The following EPN2 variants were observed in gnomAD, a reference collection of about 807,000 sequenced individuals.
EPN2 encodes the protein epsin-2.
In EPN2, 34 loss-of-function variants were observed where a neutral mutation model predicts 61.7. That is an observed-to-expected ratio of 0.55 (90% CI 0.42 to 0.73). The LOEUF (loss-of-function observed/expected upper bound fraction) is 0.73. Ranked by LOEUF, EPN2 falls within the 30% of genes least tolerant of loss-of-function variation. The probability of loss-of-function intolerance (pLI) is 0.00; values close to 1 mark genes in which losing one functional copy is unlikely to be tolerated. For missense variants in EPN2, 714 were observed against 839.2 expected (o/e 0.85, Z 1.84); for synonymous variants, 349 against 353.6 (o/e 0.99, Z 0.15).
At chr17:19,306,928 A>G (rs1905871927) in intron 4 of EPN2, among the ~76,000 whole-genome samples, 1 of 152,192 alleles carries the variant, frequency 6.6e-6, no homozygotes, top group African/African-American at 2.4e-5. Context: ...CCTTATCAGG[A>G]AAGAGGCTGG....
At chr17:19,274,630 C>A (rs554898907) in intron 1 of EPN2, among the ~76,000 whole-genome samples, 13 of 152,240 alleles carry the variant, frequency 8.5e-5, no homozygotes, top group African/African-American at 3.1e-4. Flanking sequence ...GAAAGGTGAA[C>A]ATCCTCCTCT....
At chr17:19,275,602 A>G (rs2045298005) in intron 1 of EPN2, among the ~76,000 whole-genome samples, 1 of 151,982 alleles carries the variant, frequency 6.6e-6, no homozygotes, top group African/African-American at 2.4e-5. Context: ...TTAACATATC[A>G]CTGATGTAGC....
chr17:19,285,775 G>C lies in EPN2; in HGVS notation c.751G>C (p.Asp251His). Residue 251 changes from aspartate (D) to histidine (H), a missense_variant, in exon 4 of 11, where the codon GAC becomes CAC. Around this residue, in one of 2 missense-constraint regions of EPN2, gnomAD observed 304 missense variants for 417.4 expected, o/e 0.73. Transcript: ENST00000314728. The surrounding 1 kb of genome is among the most constrained non-coding windows in gnomAD (Gnocchi z 4.5). ...CTGGTCCCAGCCCTGCCTCACTTGT[G>C]ACCGCGCAGCCCGAGGTGGGACGGC... The part of the protein sequence containing the change: ...GDWSQPCLTC[D>H]RAARATSPRV... 6.2e-7 allele frequency: 1 copy of C among 1,601,278 alleles called. No individual in the cohort carries two copies. Among genetic ancestry groups the C allele is most frequent in the Non-Finnish European group, 8.5e-7 (1 of 1,173,926 alleles).
chr17:19,333,778 A>G (rs1907269699), intron 10 of EPN2, among the ~76,000 whole-genome samples, 178 bp from the exon 11 acceptor site: 1 of 152,202 alleles, frequency 6.6e-6, no homozygotes, highest in Non-Finnish European at 1.5e-5. Context: ...TCATCCTTAA[A>G]GTGCAGATTC....
At chr17:19,240,589 C>G (rs1447194708) in intron 1 of EPN2, among the ~76,000 whole-genome samples, 2 of 152,160 alleles carry the variant, frequency 1.3e-5, no homozygotes, top group African/African-American at 4.8e-5. Context: ...TGAGGAATTA[C>G]GTAGTTTGTA....
At position 19,278,488 on chromosome 17, in the gene EPN2, A is replaced by T. The variant is rs139916385; in HGVS notation, c.-293-3467A>T. On this transcript the variant is annotated intron_variant, in intron 1 of 10. Coordinates refer to ENST00000314728, the MANE Select transcript of EPN2 (RefSeq NM_014964.5). ...ACCCCTGATAAACCCATCAGATCTCATGAGACTTACTCACTATCACAGGAA... is the reference window on the plus strand; with the variant it reads ...ACCCCTGATAAACCCATCAGATCTCTTGAGACTTACTCACTATCACAGGAA... Among the ~76,000 whole-genome samples, 440 of 152,254 alleles carry T rather than the reference A, an allele frequency of 2.9e-3. 21 individuals are homozygous for T. The East Asian group carries it at 0.076, about 26-fold the overall frequency.
At chr17:19,315,829 A>G (rs1906356583) in intron 7 of EPN2, among the ~76,000 whole-genome samples, 1 of 152,206 alleles carries the variant, frequency 6.6e-6, no homozygotes, top group African/African-American at 2.4e-5. Context: ...TTTTCAGCAC[A>G]TTCACAATGT....
chr17:19,258,351 G>A (rs2045104612), intron 1 of EPN2, among the ~76,000 whole-genome samples: 1 of 152,178 alleles, frequency 6.6e-6, no homozygotes, highest in Non-Finnish European at 1.5e-5. Flanking sequence ...GTGGGACTAA[G>A]TGGTCGCCAG....
At chr17:19,250,393 G>A (rs2045002479) in intron 1 of EPN2, among the ~76,000 whole-genome samples, 1 of 152,146 alleles carries the variant, frequency 6.6e-6, no homozygotes, top group South Asian at 2.1e-4. Flanking sequence ...ACCATGCCCT[G>A]CCTAGAAACT....
intron 1 of EPN2, among the ~76,000 whole-genome samples, chr17:19,253,430 T>C (rs2152203764): frequency 6.6e-6 from 1 of 150,396 alleles, no homozygotes; most frequent in African/African-American, 2.4e-5. Flanking sequence ...TTTTTTTTTT[T>C]TTGATACAGG....
At chr17:19,250,870 T>C (rs1029097581) in intron 1 of EPN2, among the ~76,000 whole-genome samples, 25 of 145,078 alleles carry the variant, frequency 1.7e-4, no homozygotes, top group African/African-American at 5.5e-4. Context: ...TTACTGCCTC[T>C]ATACCCTTTC....
At chr17:19,238,308 G>A (rs1308510282) in intron 1 of EPN2, among the ~76,000 whole-genome samples, 1 of 152,250 alleles carries the variant, frequency 6.6e-6, no homozygotes, top group African/African-American at 2.4e-5. Context: ...CTGTGGGGCG[G>A]CTCCCCTAGA....
At chr17:19,316,252 A>T (rs1267966657) in intron 7 of EPN2, among the ~76,000 whole-genome samples, 4 of 152,238 alleles carry the variant, frequency 2.6e-5, no homozygotes, top group African/African-American at 9.6e-5. Context: ...TGTGAATTTT[A>T]AAAATTAAGA....
At chr17:19,291,653 G>T (rs1597999524) in intron 4 of EPN2, among the ~76,000 whole-genome samples, 1 of 152,172 alleles carries the variant, frequency 6.6e-6, no homozygotes, top group East Asian at 1.9e-4. Context: ...TGTTAGCCAT[G>T]ATGGTCTTGA....
chr17:19,335,748 G>A lies in EPN2; in HGVS notation c.*1494G>A. 2 of 317,060 alleles carry A rather than the reference G, an allele frequency of 6.3e-6. No individual in the cohort carries two copies. The highest frequency in any genetic ancestry group is 5.7e-6 in the Non-Finnish European group (1 of 174,338). 19.6% of individuals were successfully genotyped at this position (317,060 alleles called of 1,614,324 possible). ...ATGAAGAAAAAAGTCATTCACCTGG[G>A]AGGGATTTTTAACAAACATGCACTA... On this transcript the variant is annotated 3_prime_UTR_variant, in exon 11 of 11. Transcript: ENST00000314728.
intron 1 of EPN2, among the ~76,000 whole-genome samples, chr17:19,259,754 A>G (rs549304862): frequency 4.6e-5 from 7 of 152,202 alleles, no homozygotes; most frequent in Non-Finnish European, 7.3e-5. Context: ...TGCCTAGAGC[A>G]AGGTGGATGG....
chr17:19,299,856 G>A (rs1476634916), intron 4 of EPN2, among the ~76,000 whole-genome samples: 1 of 152,196 alleles, frequency 6.6e-6, no homozygotes, highest in Non-Finnish European at 1.5e-5. Context: ...GTAAACTGAG[G>A]CAGCGGTACC....
intron 1 of EPN2, among the ~76,000 whole-genome samples, chr17:19,275,163 G>T (rs2045293556): frequency 6.7e-6 from 1 of 150,262 alleles, no homozygotes; most frequent in Admixed American, 6.8e-5. Context: ...AACTGTGGCT[G>T]GGGGGAGCCT....
intron 1 of EPN2, among the ~76,000 whole-genome samples, chr17:19,265,920 A>T (rs1473140421): frequency 6.6e-6 from 1 of 152,024 alleles, no homozygotes; most frequent in Non-Finnish European, 1.5e-5. Flanking sequence ...ACCCACACTG[A>T]CATTTGGTCA....
Sources: allele counts gnomAD v4.1 joint callset (sites outside exome capture counted in the v4.1 genomes callset), GRCh38; gene constraint gnomAD v4.1.1; regional missense constraint gnomAD v4.1.1; non-coding constraint Gnocchi (gnomAD v3.1); transcripts MANE v1.5; gene names NCBI Gene and HGNC (gene_info 2026-07-23, HGNC 2026-07-21).